ANP32E: variants seen among roughly 807,000 people sequenced by gnomAD.
ANP32E encodes the protein acidic leucine-rich nuclear phosphoprotein 32 family member E.
ANP32E carries 14 observed loss-of-function variants against 35.3 expected under a neutral mutation model. The ratio of observed to expected loss-of-function variants is 0.40; its 90% CI spans 0.26 to 0.62. ANP32E has a LOEUF of 0.62. Among genes scored for constraint, ANP32E ranks in the 20% least tolerant of loss-of-function variants. The pLI is 0.45. For missense variants in ANP32E, 198 were observed against 304.4 expected (o/e 0.65, Z 2.60); for synonymous variants, 89 against 110.4 (o/e 0.81, Z 1.22).
chr1:150,227,525 CT>C (rs1408600436), intron 4 of ANP32E, among the ~76,000 whole-genome samples: 1 of 151,826 alleles, frequency 6.6e-6, no homozygotes, highest in African/African-American at 2.4e-5. Context: ...CATGCTCACT[CT>C]TACAAGCAGG....
In ANP32E at chr1:150,223,189, C is replaced by T. The variant is rs1648573943; in HGVS notation, c.733G>A (p.Glu245Lys). The T allele has an allele frequency of 9.9e-6, 15 of 1,513,342 alleles. No individual in the cohort carries two copies. The highest frequency in any genetic ancestry group is 1.3e-5 in the Non-Finnish European group (15 of 1,112,284). 93.7% of individuals were successfully genotyped at this position (1,513,342 alleles called of 1,614,324 possible). ...YVEEGEEEEEEEEGGLRGEKR... is the reference protein window; with the variant it reads ...YVEEGEEEEEKEEGGLRGEKR... Reference sequence around the variant, plus strand: ...GTTTATGGCTAATGTAACTCACCCTCTTCTTCCTCTTCTTCCCCTTCTTCA... The same window carrying T: ...GTTTATGGCTAATGTAACTCACCCTTTTCTTCCTCTTCTTCCCCTTCTTCA... Residue 245 changes from glutamate to lysine, a missense_variant, in exon 6 of 7, where the codon GAG becomes AAG. By Grantham distance (56) the Glu-to-Lys change is moderately conservative (BLOSUM62 1). Transcript: ENST00000583931.
intron 5 of ANP32E, among the ~76,000 whole-genome samples, chr1:150,225,122 T>G (rs1648759630): frequency 6.6e-6 from 1 of 152,196 alleles, no homozygotes; most frequent in Non-Finnish European, 1.5e-5. Flanking sequence ...ATGAGGCAAC[T>G]GAAGAGTTGG....
chr1:150,232,476 T>C (rs1213033288), intron 1 of ANP32E, among the ~76,000 whole-genome samples: 1 of 5,182 alleles, frequency 1.9e-4, no homozygotes, highest in African/African-American at 2.4e-4. Flanking sequence ...TCTTTTTTCT[T>C]TTTTTTTTTT....
chr1:150,227,124 A>C (rs1648943038), intron 4 of ANP32E, among the ~76,000 whole-genome samples: 1 of 152,192 alleles, frequency 6.6e-6, no homozygotes, highest in South Asian at 2.1e-4. Context: ...TGCAGAGAAA[A>C]GGGAATGCTT....
At chr1:150,222,749 C>T (rs1465384847) in intron 6 of ANP32E, among the ~76,000 whole-genome samples, 1 of 151,140 alleles carries the variant, frequency 6.6e-6, no homozygotes, top group African/African-American at 2.4e-5. Context: ...AAAGTAAGAC[C>T]CTGTTTCAAA....
At chr1:150,228,987 C>T in intron 4 of ANP32E, 85 bp downstream of exon 4, 1 of 1,256,442 alleles carries the variant, frequency 8.0e-7, no homozygotes, top group Non-Finnish European at 1.1e-6. Context: ...TTTTTTCACA[C>T]CTAAATTTCC....
At position 150,220,127 on chromosome 1, in the gene ANP32E, G is replaced by A. The variant is rs1337447589; in HGVS notation, c.*564C>T. The A allele has an allele frequency of 1.4e-5, 2 of 144,856 alleles. No individual in the cohort carries two copies. Among genetic ancestry groups the A allele is most frequent in the African/African-American group, 5.2e-5 (2 of 38,830 alleles). 9.0% of individuals were successfully genotyped at this position (144,856 alleles called of 1,614,324 possible). A position where few individuals can be genotyped will look rare whatever the true frequency, so the allele number is the denominator to read the frequency against. On this transcript the variant is annotated 3_prime_UTR_variant, in exon 7 of 7. Transcript: ENST00000583931. ...AACCTCCACAAAATCCATGAACTAT[G>A]TTGCTGAATAGAACCTTTACTATTC...
chr1:150,221,970 G>A (rs931563517), intron 6 of ANP32E, among the ~76,000 whole-genome samples: 2 of 151,970 alleles, frequency 1.3e-5, no homozygotes, highest in Non-Finnish European at 2.9e-5. Flanking sequence ...GGCACCTGTA[G>A]TCTCAGCTAC....
intron 1 of ANP32E, among the ~76,000 whole-genome samples, chr1:150,232,734 A>G (rs587698648): frequency 6.6e-6 from 1 of 152,104 alleles, no homozygotes; most frequent in South Asian, 2.1e-4. Context: ...CAGCCTCCCA[A>G]AGTGCTGGGA....
chr1:150,221,612 A>C (rs141473095), intron 6 of ANP32E, among the ~76,000 whole-genome samples: 1 of 132,406 alleles, frequency 7.6e-6, no homozygotes. Context: ...GAGGGAAGGA[A>C]GGAAGGAAGG....
At chr1:150,228,080 T>TTA (rs139349474) in intron 4 of ANP32E, among the ~76,000 whole-genome samples, 69 of 149,224 alleles carry the variant, frequency 4.6e-4, no homozygotes, top group South Asian at 1.1e-3. Context: ...CATATATATA[T>TTA]TATATATATA....
intron 6 of ANP32E, among the ~76,000 whole-genome samples, chr1:150,221,582 A>AAGGG: frequency 1.2e-3 from 2 of 1,622 alleles, no homozygotes; most frequent in Non-Finnish European, 1.6e-3. Flanking sequence ...GAGTGGGAGG[A>AAGGG]AGGGAGGGAG....
chr1:150,222,617 G>C (rs1046430110), intron 6 of ANP32E, among the ~76,000 whole-genome samples: 28 of 151,258 alleles, frequency 1.9e-4, no homozygotes, highest in Non-Finnish European at 3.5e-4. Flanking sequence ...AATTAGCTGG[G>C]CATGATGGTG....
In ANP32E at chr1:150,218,707, T is replaced by A. The variant is rs587598367; in HGVS notation, c.*1984A>T. On this transcript the variant is annotated 3_prime_UTR_variant, in exon 7 of 7. Transcript: ENST00000583931. ...TAGGACCGAAAACTTCTACAAAATA[T>A]AAAACCCACCCTTACTTATTTGCAT... The A allele has an allele frequency of 2.6e-5, 4 of 152,700 alleles. No individual in the cohort carries two copies. In the South Asian group the frequency reaches 8.3e-4, roughly 32 times the overall value. The allele number at this position is 152,700 out of a possible 1,614,324, so 9.5% of individuals were successfully genotyped here. A position where few individuals can be genotyped will look rare whatever the true frequency, so the allele number is the denominator to read the frequency against.
chr1:150,232,200 CG>C (rs1238710076), intron 1 of ANP32E, among the ~76,000 whole-genome samples: 3 of 150,508 alleles, frequency 2.0e-5, no homozygotes, highest in Non-Finnish European at 4.4e-5. Context: ...AAAAATTAGC[CG>C]GGCGTAGTGG....
chr1:150,221,596 G>GGAA (rs1648404897), intron 6 of ANP32E, among the ~76,000 whole-genome samples: 50 of 4,310 alleles, frequency 0.012, 7 homozygotes, highest in African/African-American at 0.021. Context: ...GAGGGAGGGA[G>GGAA]GGAGGGAGGG....
At chr1:150,230,475 A>T in intron 3 of ANP32E, 96 bp downstream of exon 3, 1 of 1,254,806 alleles carries the variant, frequency 8.0e-7, no homozygotes, top group Non-Finnish European at 1.1e-6. Context: ...AAAAATTCTT[A>T]AGTTTTAAGA....
chr1:150,234,327 G>C (rs1034321206), intron 1 of ANP32E, among the ~76,000 whole-genome samples: 1 of 149,868 alleles, frequency 6.7e-6, no homozygotes, highest in Non-Finnish European at 1.5e-5. Context: ...AAGCCTCTAA[G>C]AATAAGCTCT....
At position 150,227,849 on chromosome 1, in the gene ANP32E, ATT is replaced by A. The variant is rs1327098682; in HGVS notation, c.494-1056_494-1055del. On this transcript the variant is annotated intron_variant, in intron 4 of 6. Coordinates refer to ENST00000583931, the MANE Select transcript of ANP32E (RefSeq NM_030920.5). Reference sequence around the variant, plus strand: ...ACTCAATAATAATGAGCAGTATCCTATTACTAACAGCTATTCTGTCATCTGAT... The same window carrying A: ...ACTCAATAATAATGAGCAGTATCCTAACTAACAGCTATTCTGTCATCTGAT... 2.1e-4 allele frequency among the ~76,000 whole-genome samples: 31 copies of A among 148,500 alleles called. 1 individual carries two copies. In the Admixed American group the frequency reaches 2.1e-3, roughly 10 times the overall value.
Sources: allele counts gnomAD v4.1 joint callset (sites outside exome capture counted in the v4.1 genomes callset), GRCh38; gene constraint gnomAD v4.1.1; transcripts MANE v1.5; gene names NCBI Gene and HGNC (gene_info 2026-07-23, HGNC 2026-07-21).